Variants in ST6GAL1 observed in about 807,000 individuals in gnomAD.
ST6GAL1 encodes the protein ST6 beta-galactoside alpha-2,6-sialyltransferase 1, also known as beta-galactoside alpha-2,6-sialyltransferase 1.
Under a neutral mutation model 38.0 loss-of-function variants are expected in ST6GAL1, and 20 were observed. The observed-to-expected ratio is 0.53, with a 90% CI of 0.37 to 0.77. The LOEUF is 0.77. Among genes scored for constraint, ST6GAL1 ranks in the 30% least tolerant of loss-of-function variants. The pLI, the probability that ST6GAL1 is intolerant of heterozygous loss-of-function variation, is 0.00. For synonymous variants in ST6GAL1, 196 were observed against 188.2 expected, an observed-to-expected ratio of 1.04 and a Z score of -0.34; for missense variants, 432 against 496.4, an observed-to-expected ratio of 0.87 and a Z score of 1.23.
chr3:186,936,244 A>G (rs1713949071), intron 1 of ST6GAL1, among the ~76,000 whole-genome samples: 1 of 152,242 alleles, frequency 6.6e-6, no homozygotes. Context: ...GGAAGGCTTC[A>G]GAGAAAATCT....
chr3:187,054,994 A>G (rs1313098587), intron 5 of ST6GAL1, among the ~76,000 whole-genome samples: 3 of 152,304 alleles, frequency 2.0e-5, no homozygotes, highest in Non-Finnish European at 2.9e-5. Flanking sequence ...TGGTCTATTC[A>G]GAGATTCAAC....
chr3:186,949,726 A>G (rs1397961592), intron 1 of ST6GAL1, among the ~76,000 whole-genome samples: 1 of 152,134 alleles, frequency 6.6e-6, no homozygotes, highest in Non-Finnish European at 1.5e-5. Context: ...AAAAAACCAC[A>G]TGCTTTGTAG....
intron 5 of ST6GAL1, among the ~76,000 whole-genome samples, chr3:187,064,345 A>G (rs1719021297): frequency 6.6e-6 from 1 of 152,228 alleles, no homozygotes. Flanking sequence ...GGAGAAATCA[A>G]TTGAAACTCT....
chr3:187,055,178 T>C (rs1313088597), intron 5 of ST6GAL1, among the ~76,000 whole-genome samples: 2 of 151,994 alleles, frequency 1.3e-5, no homozygotes, highest in African/African-American at 4.8e-5. Context: ...GTCTATTTGA[T>C]TCTTCTCTCT....
Position 187,076,080 on chromosome 3 carries a change from G to A in ST6GAL1, c.*277G>A, listed in dbSNP as rs2108453833. On this transcript the variant is annotated 3_prime_UTR_variant, in exon 8 of 8. Transcript: ENST00000169298. ...CAGCATCCTCCCCGCCTTCCACCTT[G>A]GTAGATGCAAGGTCTATCTCTCCCA... 2.4e-6 allele frequency: 1 copy of A among 422,042 alleles called. No homozygotes were observed. The highest frequency in any genetic ancestry group is 2.0e-5 in the African/African-American group (1 of 50,564). 26.1% of individuals were successfully genotyped at this position (422,042 alleles called of 1,614,324 possible). A position where few individuals can be genotyped will look rare whatever the true frequency, so the allele number is the denominator to read the frequency against.
At chr3:186,992,862 C>T (rs1716224692) in intron 2 of ST6GAL1, among the ~76,000 whole-genome samples, 1 of 152,158 alleles carries the variant, frequency 6.6e-6, no homozygotes, top group Non-Finnish European at 1.5e-5. Flanking sequence ...TAGACGTGGT[C>T]CTTGCCCCTA....
intron 2 of ST6GAL1, among the ~76,000 whole-genome samples, chr3:186,965,439 C>G (rs532580014): frequency 1.5e-4 from 23 of 152,344 alleles, no homozygotes; most frequent in Non-Finnish European, 2.6e-4. Context: ...CCTCCCTCTG[C>G]TTCCTGAATC....
chr3:187,002,048 A>G (rs559166230), intron 2 of ST6GAL1, among the ~76,000 whole-genome samples: 3 of 151,136 alleles, frequency 2.0e-5, no homozygotes, highest in Admixed American at 6.6e-5. Context: ...GTTGCCTTAT[A>G]TTGGTGTTGT....
intron 5 of ST6GAL1, among the ~76,000 whole-genome samples, chr3:187,058,211 T>A (rs868553937): frequency 1.8e-4 from 28 of 152,188 alleles, no homozygotes; most frequent in African/African-American, 4.6e-4. Flanking sequence ...ACGACTTCCC[T>A]TGGCTAGGAA....
intron 4 of ST6GAL1, among the ~76,000 whole-genome samples, chr3:187,049,601 G>A (rs1054422392): frequency 6.6e-6 from 1 of 152,178 alleles, no homozygotes; most frequent in Non-Finnish European, 1.5e-5. Context: ...AGTAGACCTG[G>A]GGTGGTAATG....
chr3:187,053,968 A>T (rs1718601957), intron 5 of ST6GAL1, among the ~76,000 whole-genome samples: 1 of 151,850 alleles, frequency 6.6e-6, no homozygotes, highest in Non-Finnish European at 1.5e-5. Context: ...GTCCTCTTTT[A>T]TTTTGTTGAG....
intron 2 of ST6GAL1, among the ~76,000 whole-genome samples, chr3:186,988,005 T>C (rs572451289): frequency 6.6e-6 from 1 of 152,320 alleles, no homozygotes; most frequent in African/African-American, 2.4e-5. Flanking sequence ...AGTTCCTGTT[T>C]GTGGTGTCGG....
intron 2 of ST6GAL1, among the ~76,000 whole-genome samples, chr3:187,003,771 T>G (rs563472691): frequency 6.6e-6 from 1 of 152,338 alleles, no homozygotes; most frequent in African/African-American, 2.4e-5. Flanking sequence ...GAACTACCAT[T>G]CTGGACATAA....
chr3:187,001,369 A>C (rs1270635190), intron 2 of ST6GAL1, among the ~76,000 whole-genome samples: 4 of 152,210 alleles, frequency 2.6e-5, no homozygotes, highest in Non-Finnish European at 5.9e-5. Context: ...AGGTGACAGC[A>C]ATGTCTCCCT....
intron 2 of ST6GAL1, among the ~76,000 whole-genome samples, chr3:186,982,587 GACC>G (rs1432170576): frequency 6.6e-6 from 1 of 152,136 alleles, no homozygotes; most frequent in Admixed American, 6.5e-5. Flanking sequence ...TTGAGCTTGA[GACC>G]AAAGGGAACA....
At chr3:186,981,504 C>T (rs952295749) in intron 2 of ST6GAL1, among the ~76,000 whole-genome samples, 1 of 152,192 alleles carries the variant, frequency 6.6e-6, no homozygotes, top group African/African-American at 2.4e-5. Flanking sequence ...CGTGGGTAAC[C>T]TGCATGAAGT....
chr3:186,955,504 T>TG (rs1714717141), intron 1 of ST6GAL1, among the ~76,000 whole-genome samples: 2 of 152,124 alleles, frequency 1.3e-5, no homozygotes, highest in South Asian at 2.1e-4. Flanking sequence ...CTTCTCTTTT[T>TG]TTTTTCTTTT....
At chr3:186,975,526 C>T (rs966207168) in intron 2 of ST6GAL1, among the ~76,000 whole-genome samples, 3 of 152,176 alleles carry the variant, frequency 2.0e-5, no homozygotes, top group Non-Finnish European at 4.4e-5. Flanking sequence ...TCGTACCTGC[C>T]TGGCCATCTG....
At chr3:187,009,172 CTTTA>C (rs976594615) in intron 2 of ST6GAL1, among the ~76,000 whole-genome samples, 21 of 141,106 alleles carry the variant, frequency 1.5e-4, no homozygotes, top group South Asian at 2.2e-4. Flanking sequence ...TTATAATATT[CTTTA>C]TTTATTCAAT....
Sources: allele counts gnomAD v4.1 joint callset (sites outside exome capture counted in the v4.1 genomes callset), GRCh38; gene constraint gnomAD v4.1.1; transcripts MANE v1.5; gene names NCBI Gene and HGNC (gene_info 2026-07-23, HGNC 2026-07-21).